The following KICS2 variants were observed in gnomAD, a reference collection of about 807,000 sequenced individuals.
The protein encoded by KICS2 is KICSTOR complex protein C12orf66.
A neutral mutation model predicts 31.4 loss-of-function variants in KICS2; 13 were observed. That is an observed-to-expected ratio of 0.41 (90% CI 0.27 to 0.66). The LOEUF is 0.66. KICS2 is among the 30% of genes least tolerant of loss of function. The pLI is 0.28. For synonymous variants in KICS2, 209 were observed against 214.8 expected (o/e 0.97, Z 0.24); for missense variants, 455 against 545.4 (o/e 0.83, Z 1.65).
chr12:64,210,353 T>C (rs892818360), intron 2 of KICS2, among the ~76,000 whole-genome samples: 2 of 152,190 alleles, frequency 1.3e-5, no homozygotes, highest in Non-Finnish European at 2.9e-5. Flanking sequence ...ACTCAGAGGA[T>C]GAGGGTTTCA....
chr12:64,202,336 A>G (rs2037498077), intron 2 of KICS2, among the ~76,000 whole-genome samples: 1 of 152,170 alleles, frequency 6.6e-6, no homozygotes, highest in African/African-American at 2.4e-5. Flanking sequence ...ACCTGAGCCC[A>G]GCAAGGCTGA....
chr12:64,193,778 C>T lies in KICS2; in HGVS notation c.*64G>A, dbSNP rs1262508145. The T allele has an allele frequency of 9.8e-6, 15 of 1,525,968 alleles. No homozygotes were observed. Among genetic ancestry groups the T allele is most frequent in the Non-Finnish European group, 1.3e-5 (15 of 1,137,698 alleles). 94.5% of individuals were successfully genotyped at this position (1,525,968 alleles called of 1,614,324 possible). On this transcript the variant is annotated 3_prime_UTR_variant, in exon 3 of 3. Transcript: ENST00000398055. ...GATGTAAACTCTATTCACAGACCAC[C>T]GTAGATCATTAGGGCAATTAAGAAC...
At chr12:64,202,567 A>G (rs1387255930) in intron 2 of KICS2, among the ~76,000 whole-genome samples, 1 of 150,886 alleles carries the variant, frequency 6.6e-6, no homozygotes, top group Non-Finnish European at 1.5e-5. Flanking sequence ...AGGAGTGAAT[A>G]GAGGAGGCAG....
At chr12:64,207,997 C>G (rs764453231) in intron 2 of KICS2, among the ~76,000 whole-genome samples, 2 of 152,186 alleles carry the variant, frequency 1.3e-5, no homozygotes, top group Non-Finnish European at 2.9e-5. Flanking sequence ...GATTGGACTT[C>G]TGCTTAAAAT....
Position 64,222,277 on chromosome 12 carries a change from G to C in KICS2, c.-40C>G. On this transcript the variant is annotated 5_prime_UTR_variant, in exon 1 of 3. Coordinates refer to ENST00000398055, the MANE Select transcript of KICS2 (RefSeq NM_152440.5). The stretch of plus-strand genomic sequence containing the variant: ...AGCTCGACCCACGTGGCTCTCCTCG[G>C]CCTCGCACTTCCGGGTTCTGAGGGA... 6.2e-7 allele frequency: 1 copy of C among 1,603,484 alleles called. No homozygotes were observed. The highest frequency in any genetic ancestry group is 8.5e-7 in the Non-Finnish European group (1 of 1,175,092).
intron 2 of KICS2, among the ~76,000 whole-genome samples, chr12:64,207,466 T>A (rs1309082074): frequency 6.6e-6 from 1 of 152,138 alleles, no homozygotes; most frequent in Non-Finnish European, 1.5e-5. Context: ...TCCTCACCCT[T>A]TGTTTTGTAA....
chr12:64,211,154 T>C (rs1420546351), intron 2 of KICS2, among the ~76,000 whole-genome samples: 1 of 152,216 alleles, frequency 6.6e-6, no homozygotes, highest in Non-Finnish European at 1.5e-5. Flanking sequence ...TATCCTTAAC[T>C]GTACTTCAGT....
At position 64,191,797 on chromosome 12, in the gene KICS2, A is replaced by G. The variant is rs2037380499; in HGVS notation, c.*2045T>C. 6.6e-6 allele frequency: 1 copy of G among 152,198 alleles called. No individual in the cohort carries two copies. Among genetic ancestry groups the G allele is most frequent in the African/African-American group, 2.4e-5 (1 of 41,460 alleles). The allele number at this position is 152,198 out of a possible 1,614,324, so 9.4% of individuals were successfully genotyped here. The stretch of plus-strand genomic sequence containing the variant: ...TTTTTAAAGAAAAAGAAAGGAGGCC[A>G]GGTGCAGTGGCACATGCTTATAAAC... On this transcript the variant is annotated 3_prime_UTR_variant, in exon 3 of 3. Transcript: ENST00000398055.
At chr12:64,187,524 A>G (rs981489197), downstream of KICS2, 8 of 994,730 alleles carry the variant, frequency 8.0e-6, no homozygotes, top group South Asian at 4.2e-5. Flanking sequence ...GATTTACACC[A>G]TATCAAGAGA....
downstream of KICS2, among the ~76,000 whole-genome samples, chr12:64,190,395 C>T (rs978571285): frequency 2.2e-4 from 33 of 152,268 alleles, no homozygotes; most frequent in South Asian, 4.1e-4. Context: ...TGTGAGTCTG[C>T]TTCTAGATCA....
At chr12:64,187,007 A>T (rs965335984), downstream of KICS2, 1 of 152,336 alleles carries the variant, frequency 6.6e-6, no homozygotes, top group Non-Finnish European at 1.5e-5. Context: ...TTGTCATAAC[A>T]AAAGTGAAAT....
Position 64,193,595 on chromosome 12 carries a change from A to G in KICS2, c.*247T>C, listed in dbSNP as rs571380896. 452 of 1,241,924 alleles carry G rather than the reference A, an allele frequency of 3.6e-4. No individual in the cohort carries two copies. The African/African-American group carries it at 6.6e-3, about 18-fold the overall frequency. 76.9% of individuals were successfully genotyped at this position (1,241,924 alleles called of 1,614,324 possible). On this transcript the variant is annotated 3_prime_UTR_variant, in exon 3 of 3. Transcript: ENST00000398055. The stretch of plus-strand genomic sequence containing the variant: ...GAAATATAGCAAAATAGGGGAAAAT[A>G]CTGAAACTACTTTGCTGTACCATGG...
intron 2 of KICS2, among the ~76,000 whole-genome samples, chr12:64,215,459 G>A (rs1439740581): frequency 6.6e-6 from 1 of 151,978 alleles, no homozygotes; most frequent in Non-Finnish European, 1.5e-5. Context: ...TTCATTCTCG[G>A]TCTTTTGCTA....
chr12:64,194,680 A>G (rs757817610), intron 2 of KICS2, 22 bp from the exon 3 acceptor site: 17 of 1,575,484 alleles, frequency 1.1e-5, no homozygotes, highest in Admixed American at 5.6e-5. Flanking sequence ...AGGGAAATAG[A>G]GATAAGTGGA....
At chr12:64,205,253 C>T (rs1347169920) in intron 2 of KICS2, among the ~76,000 whole-genome samples, 1 of 152,214 alleles carries the variant, frequency 6.6e-6, no homozygotes, top group Non-Finnish European at 1.5e-5. Flanking sequence ...AGAAAGAACT[C>T]CGAACAAGCT....
At position 64,193,204 on chromosome 12, in the gene KICS2, T is replaced by A. The variant is rs957468290; in HGVS notation, c.*638A>T. 1.0e-6 allele frequency: 1 copy of A among 985,358 alleles called. No individual in the cohort carries two copies. The highest frequency in any genetic ancestry group is 1.7e-5 in the African/African-American group (1 of 57,202). 61.0% of individuals were successfully genotyped at this position (985,358 alleles called of 1,614,324 possible). On this transcript the variant is annotated 3_prime_UTR_variant, in exon 3 of 3. Coordinates refer to ENST00000398055, the MANE Select transcript of KICS2 (RefSeq NM_152440.5). ...GTGTACATTACCCCAAAAGAACCCA[T>A]GGCTATTAAAGCTGCCATGAGGATC...
intron 2 of KICS2, among the ~76,000 whole-genome samples, chr12:64,201,853 C>G (rs2037493544): frequency 6.6e-6 from 1 of 151,726 alleles, no homozygotes; most frequent in Non-Finnish European, 1.5e-5. Flanking sequence ...CTCAAACAAA[C>G]AAACAAACAA....
intron 2 of KICS2, among the ~76,000 whole-genome samples, chr12:64,194,977 T>A (rs977963064): frequency 1.3e-5 from 2 of 151,806 alleles, no homozygotes; most frequent in South Asian, 2.1e-4. Context: ...TGGTTCTTGC[T>A]CTGTCACCCA....
In KICS2 at chr12:64,193,051, G is replaced by A. The variant is rs1240220726; in HGVS notation, c.*791C>T. 2 of 985,328 alleles carry A rather than the reference G, an allele frequency of 2.0e-6. No homozygotes were observed. Among genetic ancestry groups the A allele is most frequent in the Non-Finnish European group, 2.4e-6 (2 of 829,940 alleles). 61.0% of individuals were successfully genotyped at this position (985,328 alleles called of 1,614,324 possible). On this transcript the variant is annotated 3_prime_UTR_variant, in exon 3 of 3. Transcript: ENST00000398055. ...CAAACATGTACATTTCAGCAGAAAA[G>A]TGATAAACAGAAAGCGAAGCGGATA...
Sources: gnomAD v4.1 joint callset for allele counts (sites outside exome capture counted in the v4.1 genomes callset) on GRCh38, gnomAD v4.1.1 for gene constraint, MANE v1.5 for transcripts, NCBI Gene and HGNC (gene_info 2026-07-23, HGNC 2026-07-21) for gene names.